The following GRM8 variants were observed in gnomAD, a reference collection of about 807,000 sequenced individuals.
The protein encoded by GRM8 is glutamate metabotropic receptor 8.
Under a neutral mutation model 87.2 loss-of-function variants are expected in GRM8, and 47 were observed. The observed-to-expected ratio is 0.54, with a 90% CI of 0.43 to 0.69. The LOEUF (loss-of-function observed/expected upper bound fraction) is 0.69, where lower values mean the gene tolerates loss of function less well. Among genes scored for constraint, GRM8 ranks in the 30% least tolerant of loss-of-function variants. The probability of loss-of-function intolerance (pLI) is 0.00; values close to 1 mark genes in which losing one functional copy is unlikely to be tolerated. For missense variants in GRM8, 1,019 were observed against 1,139.2 expected (o/e 0.89, Z 1.52); for synonymous variants, 396 against 404.5 (o/e 0.98, Z 0.25).
chr7:127,131,657 G>A (rs1827698602), intron 2 of GRM8, among the ~76,000 whole-genome samples: 1 of 151,830 alleles, frequency 6.6e-6, no homozygotes, highest in Non-Finnish European at 1.5e-5. Context: ...ATGATAATAT[G>A]ACTTACATAT....
At chr7:126,637,565 C>T (rs1801987978) in intron 7 of GRM8, among the ~76,000 whole-genome samples, 1 of 152,136 alleles carries the variant, frequency 6.6e-6, no homozygotes, top group Non-Finnish European at 1.5e-5. Context: ...GCTTAGACAT[C>T]GTTGCTCTGT....
intron 2 of GRM8, among the ~76,000 whole-genome samples, chr7:127,219,000 G>A (rs1796748299): frequency 2.0e-5 from 3 of 152,180 alleles, no homozygotes; most frequent in South Asian, 4.1e-4. Flanking sequence ...GCAGGTAAGA[G>A]TTGGTTGCAG....
intron 1 of GRM8, among the ~76,000 whole-genome samples, chr7:127,251,783 G>A (rs1798889421): frequency 6.6e-6 from 1 of 151,992 alleles, no homozygotes; most frequent in South Asian, 2.1e-4. Flanking sequence ...GGGTGCGTTT[G>A]CCTTTGCTTT....
chr7:127,082,392 G>A (rs776793561), intron 3 of GRM8, among the ~76,000 whole-genome samples: 2 of 152,002 alleles, frequency 1.3e-5, no homozygotes, highest in Non-Finnish European at 2.9e-5. Flanking sequence ...AGTCCCTGGT[G>A]CTAGTCTTTC....
chr7:127,128,502 T>C (rs190666932), intron 2 of GRM8, among the ~76,000 whole-genome samples: 4 of 152,242 alleles, frequency 2.6e-5, no homozygotes, highest in Admixed American at 2.6e-4. Flanking sequence ...CACTCACTCT[T>C]ACCAAAGTCA....
chr7:126,617,731 T>A (rs1318927548), intron 7 of GRM8, among the ~76,000 whole-genome samples: 1 of 152,012 alleles, frequency 6.6e-6, no homozygotes, highest in Non-Finnish European at 1.5e-5. Flanking sequence ...TATACACCAA[T>A]AACAGACAAA....
rs565946825 is a variant in GRM8 at position 127,045,346 on chromosome 7, A to T, written c.727+61150T>A. Among the ~76,000 whole-genome samples the T allele has an allele frequency of 6.0e-5, 9 of 149,628 alleles. No homozygotes were observed. The South Asian group carries it at 1.9e-3, about 32-fold the overall frequency. On this transcript the variant is annotated intron_variant, in intron 3 of 10. Transcript: ENST00000339582. ...TTTCAGTAATTTGTAGGAGTCTTTG[A>T]TCTATCATATATCCCAATATCTTCC...
At chr7:126,505,033 C>T (rs116854678) in intron 9 of GRM8, among the ~76,000 whole-genome samples, 1 of 152,130 alleles carries the variant, frequency 6.6e-6, no homozygotes, top group East Asian at 1.9e-4. Context: ...CAGTTGGAGT[C>T]ATTCTTCAGT....
chr7:126,855,472 C>CTTT lies in GRM8; in HGVS notation c.1156+47067_1156+47069dup, dbSNP rs11428822. Among the ~76,000 whole-genome samples, 497 of 136,928 alleles carry CTTT rather than the reference C, an allele frequency of 3.6e-3. 8 individuals carry two copies. The highest frequency in any genetic ancestry group is 0.011 in the African/African-American group (422 of 36,974). 89.8% of individuals were successfully genotyped at this position (136,928 alleles called of 152,430 possible). On this transcript the variant is annotated intron_variant, in intron 6 of 10. Coordinates refer to ENST00000339582, the MANE Select transcript of GRM8 (RefSeq NM_000845.3). ...GTAAAGGGCAGCCCTTATGATTTAT[C>CTTT]TTTTTTTTTTTTTTTTTGAGACAGA...
At chr7:127,216,935 C>T (rs548957580) in intron 2 of GRM8, among the ~76,000 whole-genome samples, 2 of 152,316 alleles carry the variant, frequency 1.3e-5, no homozygotes, top group East Asian at 1.9e-4. Context: ...TAAAAAGGAT[C>T]TCTCCCACCA....
At chr7:126,522,888 C>T (rs1296733325) in intron 9 of GRM8, among the ~76,000 whole-genome samples, 2 of 152,192 alleles carry the variant, frequency 1.3e-5, no homozygotes, top group African/African-American at 4.8e-5. Flanking sequence ...TATTATCCCC[C>T]TGACTTGACC....
intron 6 of GRM8, among the ~76,000 whole-genome samples, chr7:126,867,849 C>A (rs17684592): frequency 0.26 from 39,550 of 151,982 alleles, 6,326 homozygotes; most frequent in Non-Finnish European, 0.35. Context: ...GGGATTCAAG[C>A]AAAGTAATAA....
chr7:127,004,612 A>G (rs1433436865), intron 3 of GRM8, among the ~76,000 whole-genome samples: 1 of 151,616 alleles, frequency 6.6e-6, no homozygotes, highest in Non-Finnish European at 1.5e-5. Flanking sequence ...CATCTGTAAG[A>G]AAGTGCTTTA....
intron 3 of GRM8, among the ~76,000 whole-genome samples, chr7:127,061,800 A>G (rs1398927453): frequency 6.6e-6 from 1 of 152,218 alleles, no homozygotes; most frequent in African/African-American, 2.4e-5. Context: ...TGGGAAGGAT[A>G]CTTTTCCCAC....
At chr7:126,708,682 G>A (rs1225209601) in intron 7 of GRM8, among the ~76,000 whole-genome samples, 2 of 151,774 alleles carry the variant, frequency 1.3e-5, no homozygotes, top group East Asian at 3.9e-4. Flanking sequence ...TGAACATGGA[G>A]GACATTAAGT....
chr7:126,809,281 G>A (rs985775694), intron 6 of GRM8, among the ~76,000 whole-genome samples: 2 of 152,104 alleles, frequency 1.3e-5, no homozygotes, highest in Admixed American at 1.3e-4. Flanking sequence ...GAACCCCCTT[G>A]ACATATAGGA....
chr7:126,895,366 T>C (rs41461250), intron 6 of GRM8, among the ~76,000 whole-genome samples: 22,363 of 152,038 alleles, frequency 0.15, 1,857 homozygotes, highest in Non-Finnish European at 0.2. Context: ...CTAACTCTAA[T>C]ATTCTCTGTT....
intron 3 of GRM8, among the ~76,000 whole-genome samples, chr7:127,103,335 C>A (rs181025819): frequency 1.3e-3 from 191 of 152,284 alleles, no homozygotes; most frequent in Admixed American, 4.6e-3. Flanking sequence ...GTCATGGGGG[C>A]AGATCTCTCA....
chr7:126,591,208 A>C (rs1159028652), intron 8 of GRM8, among the ~76,000 whole-genome samples: 2 of 152,172 alleles, frequency 1.3e-5, no homozygotes, highest in East Asian at 3.9e-4. Flanking sequence ...AATGGAAACC[A>C]AAAGAGAGCA....
Sources: allele counts gnomAD v4.1 joint callset (sites outside exome capture counted in the v4.1 genomes callset), GRCh38; gene constraint gnomAD v4.1.1; transcripts MANE v1.5; gene names NCBI Gene and HGNC (gene_info 2026-07-23, HGNC 2026-07-21).